Variants in SLC9A9 observed in about 807,000 individuals in gnomAD.
SLC9A9 encodes the protein solute carrier family 9 member A9.
Under a neutral mutation model 77.8 loss-of-function variants are expected in SLC9A9, and 62 were observed. That is an observed-to-expected ratio of 0.80 (90% CI 0.65 to 0.98). The LOEUF (loss-of-function observed/expected upper bound fraction) is 0.98. Ranked by LOEUF, SLC9A9 falls within the 50% of genes least tolerant of loss-of-function variation. SLC9A9 has a pLI of 0.00. For synonymous variants in SLC9A9, 320 were observed against 283.5 expected, an observed-to-expected ratio of 1.13 and a Z score of -1.29; for missense variants, 775 against 774.9, an observed-to-expected ratio of 1.00 and a Z score of 0.00.
At chr3:143,445,014 C>T (rs530030015) in intron 12 of SLC9A9, among the ~76,000 whole-genome samples, 15 of 152,260 alleles carry the variant, frequency 9.9e-5, no homozygotes, top group African/African-American at 2.9e-4. Flanking sequence ...TCCATAGCCC[C>T]GGTTTTCCTC....
chr3:143,457,006 T>C (rs985844059), intron 12 of SLC9A9, among the ~76,000 whole-genome samples: 4 of 152,142 alleles, frequency 2.6e-5, no homozygotes, highest in Non-Finnish European at 4.4e-5. Flanking sequence ...TATTCCCTTA[T>C]CATCAGTTTA....
intron 9 of SLC9A9, among the ~76,000 whole-genome samples, chr3:143,501,082 G>T (rs1293437273): frequency 1.5e-4 from 23 of 150,506 alleles, no homozygotes; most frequent in Non-Finnish European, 8.8e-5. Flanking sequence ...TATTCAATAA[G>T]TCATCAGTAA....
chr3:143,592,487 G>T lies in SLC9A9; in HGVS notation c.756-13764C>A, dbSNP rs1264866257. On this transcript the variant is annotated intron_variant, in intron 6 of 15. Transcript: ENST00000316549. ...TTCCAGCATGGCTGGGATCAAACGTGGCTGCTCCAGGCTAGCAGACAACAT... is the reference window on the plus strand; with the variant it reads ...TTCCAGCATGGCTGGGATCAAACGTTGCTGCTCCAGGCTAGCAGACAACAT... Among the ~76,000 whole-genome samples, 4 of 152,310 alleles carry T rather than the reference G, an allele frequency of 2.6e-5. No homozygotes were observed. The South Asian group carries it at 6.2e-4, about 24-fold the overall frequency.
intron 8 of SLC9A9, among the ~76,000 whole-genome samples, chr3:143,565,350 T>C (rs1388937447): frequency 6.6e-6 from 1 of 152,210 alleles, no homozygotes; most frequent in Non-Finnish European, 1.5e-5. Context: ...TACATGCCTA[T>C]GCAGAATATG....
chr3:143,506,346 A>G (rs895458003), intron 9 of SLC9A9, among the ~76,000 whole-genome samples: 3 of 152,200 alleles, frequency 2.0e-5, no homozygotes, highest in Non-Finnish European at 4.4e-5. Context: ...ACTACTTCCT[A>G]AGGAAGTGAA....
At chr3:143,376,713 T>C (rs1218463767) in intron 13 of SLC9A9, among the ~76,000 whole-genome samples, 1 of 152,212 alleles carries the variant, frequency 6.6e-6, no homozygotes, top group Non-Finnish European at 1.5e-5. Flanking sequence ...GGGGAGGACA[T>C]AATTTTGAAT....
At chr3:143,458,831 G>A (rs1314663840) in intron 12 of SLC9A9, among the ~76,000 whole-genome samples, 5 of 151,940 alleles carry the variant, frequency 3.3e-5, no homozygotes, top group Non-Finnish European at 2.9e-5. Flanking sequence ...TACTATTTCT[G>A]TTGCTGCTCC....
chr3:143,325,188 C>G (rs1435839022), intron 14 of SLC9A9, among the ~76,000 whole-genome samples: 1 of 151,954 alleles, frequency 6.6e-6, no homozygotes, highest in Non-Finnish European at 1.5e-5. Context: ...TTGGCTGTGT[C>G]ACCATGTCAC....
At chr3:143,822,600 C>T (rs1362856396) in intron 2 of SLC9A9, among the ~76,000 whole-genome samples, 2 of 152,204 alleles carry the variant, frequency 1.3e-5, no homozygotes, top group Non-Finnish European at 2.9e-5. Flanking sequence ...TGTTACTAAA[C>T]AGGAGCTTCC....
intron 13 of SLC9A9, among the ~76,000 whole-genome samples, chr3:143,368,569 A>G (rs1018327365): frequency 2.0e-5 from 3 of 152,212 alleles, no homozygotes; most frequent in South Asian, 2.1e-4. Context: ...TCAAGATTTC[A>G]TATTCAATAT....
intron 9 of SLC9A9, among the ~76,000 whole-genome samples, chr3:143,502,708 A>G (rs558890265): frequency 6.6e-6 from 1 of 152,248 alleles, no homozygotes; most frequent in Admixed American, 6.5e-5. Flanking sequence ...GCTGACTTTC[A>G]TCTACTTGTC....
chr3:143,765,145 C>T (rs2007273253), intron 4 of SLC9A9, among the ~76,000 whole-genome samples: 1 of 133,314 alleles, frequency 7.5e-6, no homozygotes, highest in African/African-American at 2.8e-5. Context: ...CTTTTTCTTT[C>T]TTTCTCTCTT....
At chr3:143,806,518 A>G (rs1011514962) in intron 2 of SLC9A9, among the ~76,000 whole-genome samples, 2 of 152,226 alleles carry the variant, frequency 1.3e-5, no homozygotes, top group Non-Finnish European at 2.9e-5. Context: ...TCAACTGGAA[A>G]AAAAAACTTA....
At chr3:143,824,739 C>T (rs1002814788) in intron 2 of SLC9A9, among the ~76,000 whole-genome samples, 1 of 152,116 alleles carries the variant, frequency 6.6e-6, no homozygotes, top group Admixed American at 6.6e-5. Flanking sequence ...CTGTGTTGTT[C>T]AATGATGAAA....
At chr3:143,296,170 A>T (rs764222399) in intron 14 of SLC9A9, among the ~76,000 whole-genome samples, 2 of 152,198 alleles carry the variant, frequency 1.3e-5, no homozygotes, top group Non-Finnish European at 2.9e-5. Flanking sequence ...GATTTCCTAG[A>T]TACTATTCAT....
chr3:143,601,474 T>G (rs909022073), intron 6 of SLC9A9, among the ~76,000 whole-genome samples: 1 of 152,224 alleles, frequency 6.6e-6, no homozygotes, highest in South Asian at 2.1e-4. Flanking sequence ...TTGAATGACT[T>G]GGCGAAATCC....
chr3:143,697,226 A>G (rs1671491737), intron 4 of SLC9A9, among the ~76,000 whole-genome samples: 1 of 152,074 alleles, frequency 6.6e-6, no homozygotes, highest in Non-Finnish European at 1.5e-5. Context: ...AATTATTAAG[A>G]CAAGTTAATG....
chr3:143,626,887 T>G (rs1009901804), intron 6 of SLC9A9: 30 of 152,916 alleles, frequency 2.0e-4, no homozygotes, highest in African/African-American at 6.3e-4. Context: ...TTTTTTTTTT[T>G]TTTTGAGACA....
intron 14 of SLC9A9, among the ~76,000 whole-genome samples, chr3:143,282,296 A>C (rs1938244168): frequency 6.6e-6 from 1 of 152,210 alleles, no homozygotes; most frequent in Admixed American, 6.5e-5. Context: ...AATAAGATTT[A>C]CTAAGGTTGA....
Sources: allele counts gnomAD v4.1 joint callset (sites outside exome capture counted in the v4.1 genomes callset), GRCh38; gene constraint gnomAD v4.1.1; transcripts MANE v1.5; gene names NCBI Gene and HGNC (gene_info 2026-07-23, HGNC 2026-07-21).